The following PCDHGB3 variants were observed in gnomAD, a reference collection of about 807,000 sequenced individuals.
The protein encoded by PCDHGB3 is protocadherin gamma-B3.
A neutral mutation model predicts 59.2 loss-of-function variants in PCDHGB3; 40 were observed. That is an observed-to-expected ratio of 0.68 (90% confidence interval 0.52 to 0.88). PCDHGB3 has a LOEUF of 0.88. PCDHGB3 is among the 40% of genes least tolerant of loss of function. The pLI, the probability that PCDHGB3 is intolerant of heterozygous loss-of-function variation, is 0.00. For missense variants in PCDHGB3, 1,309 were observed against 1,187.9 expected (o/e 1.10, Z -1.50); for synonymous variants, 581 against 503.6 (o/e 1.15, Z -2.06).
intron 2 of PCDHGB3, among the ~76,000 whole-genome samples, chr5:141,499,015 AG>A (rs2099788530): frequency 6.6e-6 from 1 of 151,284 alleles, no homozygotes; most frequent in Non-Finnish European, 1.5e-5. Context: ...GAAGGAAGGA[AG>A]GAAGGAAGGA....
chr5:141,393,586 G>A lies in PCDHGB3; in HGVS notation c.2415+20777G>A, dbSNP rs1486061309. 2 of 1,613,922 alleles carry A rather than the reference G, an allele frequency of 1.2e-6. No individual in the cohort carries two copies. Among genetic ancestry groups the A allele is most frequent in the Admixed American group, 3.3e-5 (2 of 60,028 alleles). ...AAAGTCCTTGAGAACATGCCCCCAGGCACGCGGCTGCTTACTGTAACAGCC... is the reference window on the plus strand; with the variant it reads ...AAAGTCCTTGAGAACATGCCCCCAGACACGCGGCTGCTTACTGTAACAGCC... On this transcript the variant is annotated intron_variant, in intron 1 of 3. Transcript: ENST00000576222.
At chr5:141,394,108 T>C in intron 1 of PCDHGB3, 1 of 1,613,972 alleles carries the variant, frequency 6.2e-7, no homozygotes, top group Non-Finnish European at 8.5e-7. Context: ...ACACCACCTC[T>C]GTCCACTGAA....
At chr5:141,384,599 T>A (rs772846090) in intron 1 of PCDHGB3, 4 of 1,614,132 alleles carry the variant, frequency 2.5e-6, no homozygotes, top group Non-Finnish European at 2.5e-6. Flanking sequence ...TACCCGGCCC[T>A]CCCCACAGAT....
chr5:141,423,265 G>A (rs973635802), intron 1 of PCDHGB3: 15 of 1,613,548 alleles, frequency 9.3e-6, no homozygotes, highest in African/African-American at 1.3e-5. Context: ...CGGCAGCCTC[G>A]AGTCTCTGGC....
At chr5:141,438,579 CAT>C (rs2097974137) in intron 1 of PCDHGB3, among the ~76,000 whole-genome samples, 1 of 55,780 alleles carries the variant, frequency 1.8e-5, no homozygotes, top group Admixed American at 2.8e-4. Context: ...GATATACATA[CAT>C]ACATACATAC....
intron 1 of PCDHGB3, among the ~76,000 whole-genome samples, chr5:141,451,717 A>G (rs2098722445): frequency 6.6e-6 from 1 of 152,166 alleles, no homozygotes; most frequent in Non-Finnish European, 1.5e-5. Context: ...CCCTGCCTCT[A>G]CTAAAAATAC....
In PCDHGB3 at chr5:141,489,201, G is replaced by A. The variant is rs757039294; in HGVS notation, c.2416-5606G>A. ...AGCCCTGGGTCTACCTTGGAGACAG[G>A]ACAGCACAGACTTACTCTCCACAAA... On this transcript the variant is annotated intron_variant, in intron 1 of 3. Coordinates refer to ENST00000576222, the MANE Select transcript of PCDHGB3 (RefSeq NM_018924.5). This position sits in a 1 kb window ranked among gnomAD's most constrained non-coding sequence, Gnocchi z 4.5. The A allele has an allele frequency of 7.8e-6, 11 of 1,416,092 alleles. No individual in the cohort carries two copies. In the African/African-American group the frequency reaches 1.3e-4, roughly 17 times the overall value. 87.7% of individuals were successfully genotyped at this position (1,416,092 alleles called of 1,614,324 possible).
At chr5:141,447,773 T>C (rs2098551408) in intron 1 of PCDHGB3, among the ~76,000 whole-genome samples, 1 of 152,202 alleles carries the variant, frequency 6.6e-6, no homozygotes, top group African/African-American at 2.4e-5. Context: ...AATTATACTT[T>C]AATTGAAAAT....
rs200724467 is a variant in PCDHGB3 at position 141,399,395 on chromosome 5, G to A, written c.2415+26586G>A. 5,303 of 1,613,964 alleles carry A rather than the reference G, an allele frequency of 3.3e-3. 153 individuals carry two copies. In the South Asian group the frequency reaches 0.047, roughly 14 times the overall value. ...AATGTCACCATCACAGCCACAGACA[G>A]GGGCAAGCCGCCCCTCTCCTCCAGC... On this transcript the variant is annotated intron_variant, in intron 1 of 3. Coordinates refer to ENST00000576222, the MANE Select transcript of PCDHGB3 (RefSeq NM_018924.5).
chr5:141,418,506 A>G, intron 1 of PCDHGB3: 1 of 1,613,978 alleles, frequency 6.2e-7, no homozygotes, highest in Non-Finnish European at 8.5e-7. Flanking sequence ...ACCGCCTTAG[A>G]TGGTGGGGAC....
intron 1 of PCDHGB3, chr5:141,393,422 G>A: frequency 6.2e-7 from 1 of 1,614,042 alleles, no homozygotes; most frequent in Non-Finnish European, 8.5e-7. Context: ...TGGACAGGGA[G>A]GAAGAGGCTG....
chr5:141,408,469 A>G (rs1454570616), intron 1 of PCDHGB3: 2 of 1,614,078 alleles, frequency 1.2e-6, no homozygotes, highest in South Asian at 2.2e-5. Flanking sequence ...TGAAGAACCG[A>G]ATAGACCGTG....
intron 1 of PCDHGB3, among the ~76,000 whole-genome samples, chr5:141,466,815 A>G (rs1019952491): frequency 1.3e-5 from 2 of 152,182 alleles, no homozygotes; most frequent in Non-Finnish European, 2.9e-5. Flanking sequence ...CAGACATGGT[A>G]TAACAAGTTA....
rs746834673 is a variant in PCDHGB3, at chr5:141,394,045, A to G, written c.2415+21236A>G. ...AGATTAGTGACAAGGAAATATTTGG[A>G]CCGAGAAAATGTCTCTATCTACAAT... On this transcript the variant is annotated intron_variant, in intron 1 of 3. Transcript: ENST00000576222. 6 of 1,613,706 alleles carry G rather than the reference A, an allele frequency of 3.7e-6. No individual in the cohort carries two copies. The highest frequency in any genetic ancestry group is 1.6e-4 in the Middle Eastern group (1 of 6,062).
intron 1 of PCDHGB3, chr5:141,384,690 T>C (rs368242169): frequency 4.7e-5 from 76 of 1,613,884 alleles, no homozygotes; most frequent in Non-Finnish European, 5.9e-5. Context: ...TGGACAAAGA[T>C]TCAGGCCAGA....
chr5:141,389,726 C>T (rs150721796), intron 1 of PCDHGB3: 77,154 of 1,612,710 alleles, frequency 0.048, 2,225 homozygotes, highest in Non-Finnish European at 0.054. Context: ...AGCCCGGGCT[C>T]TTCAGCCTGG....
chr5:141,415,896 AC>A, intron 1 of PCDHGB3: 1 of 882,726 alleles, frequency 1.1e-6, no homozygotes, highest in East Asian at 3.3e-5. Flanking sequence ...AATTCCTAAG[AC>A]AGACTTCCAT....
At chr5:141,510,844 C>A in intron 3 of PCDHGB3, 103 bp from the exon 4 acceptor site, 1 of 1,592,684 alleles carries the variant, frequency 6.3e-7, no homozygotes, top group South Asian at 1.1e-5. Context: ...GTGGTCAAGG[C>A]CCAGGGTGCT....
intron 1 of PCDHGB3, chr5:141,379,735 C>G (rs1775784648): frequency 2.0e-5 from 3 of 152,002 alleles, no homozygotes; most frequent in Admixed American, 6.6e-5. Flanking sequence ...TAAGTTATGG[C>G]TAAATGAGGT....
Sources: gnomAD v4.1 joint callset for allele counts (sites outside exome capture counted in the v4.1 genomes callset) on GRCh38, gnomAD v4.1.1 for gene constraint, Gnocchi (gnomAD v3.1) non-coding constraint, MANE v1.5 for transcripts, NCBI Gene and HGNC (gene_info 2026-07-23, HGNC 2026-07-21) for gene names.